The following CACNA1I variants were observed in gnomAD, a reference collection of about 807,000 sequenced individuals.
CACNA1I encodes the protein voltage-dependent T-type calcium channel subunit alpha-1I.
Under a neutral mutation model 201.6 loss-of-function variants are expected in CACNA1I, and 74 were observed. The ratio of observed to expected loss-of-function variants is 0.37; its 90% CI spans 0.30 to 0.45. CACNA1I has a LOEUF of 0.45. CACNA1I is among the 20% of genes least tolerant of loss of function. The probability of loss-of-function intolerance (pLI) is 1.00; values close to 1 mark genes in which losing one functional copy is unlikely to be tolerated. For missense variants in CACNA1I, 2,346 were observed against 3,138.1 expected (o/e 0.75, Z 6.03); for synonymous variants, 1,431 against 1,345.2 (o/e 1.06, Z -1.40).
chr22:39,633,434 G>T (rs963014643), intron 4 of CACNA1I, among the ~76,000 whole-genome samples: 3 of 152,216 alleles, frequency 2.0e-5, no homozygotes, highest in African/African-American at 7.2e-5. Flanking sequence ...GGCAGCCTAG[G>T]CTAGGTCAGA....
chr22:39,662,284 TG>T lies in CACNA1I; in HGVS notation c.3224del (p.Gly1075AlafsTer59). On this transcript the variant is annotated frameshift_variant, in exon 17 of 37. Coordinates refer to ENST00000402142, the MANE Select transcript of CACNA1I (RefSeq NM_021096.4). LOFTEE classifies it high-confidence loss of function. ...SVDLAELVPA[V>X]GAHPRAAWRA... ...GACCTGGCCGAGCTGGTGCCCGCGG[TG>T]GGCGCCCACCCCCGGGCCGCCTGGA... 6.6e-7 allele frequency: 1 copy of T among 1,514,006 alleles called. No individual in the cohort carries two copies. 93.8% of individuals were successfully genotyped at this position (1,514,006 alleles called of 1,614,324 possible). A position where few individuals can be genotyped will look rare whatever the true frequency, so the allele number is the denominator to read the frequency against.
In CACNA1I at chr22:39,663,726, T is replaced by C; in HGVS notation, c.3482T>C (p.Val1161Ala). 1.6e-6 allele frequency: 1 copy of C among 625,626 alleles called. No individual in the cohort carries two copies. Among genetic ancestry groups the C allele is most frequent in the Non-Finnish European group, 2.9e-6 (1 of 344,632 alleles). The allele number at this position is 625,626 out of a possible 1,614,324, so 38.8% of individuals were successfully genotyped here. A position where few individuals can be genotyped will look rare whatever the true frequency, so the allele number is the denominator to read the frequency against. ...CCGCCCACCCTGCCCAGGTTCCGGGTCCTGTGTCAGACCATTATTGCCCAC... is the reference window on the plus strand; with the variant it reads ...CCGCCCACCCTGCCCAGGTTCCGGGCCCTGTGTCAGACCATTATTGCCCAC... ...YLFSPENRFR[V>A]LCQTIIAHKL... The change falls in exon 19 of 37, where the codon GTC becomes GCC. Residue 1161 changes from valine (V) to alanine (A), a missense_variant. Coordinates refer to ENST00000402142, the MANE Select transcript of CACNA1I (RefSeq NM_021096.4).
Position 39,684,210 on chromosome 22 carries a change from G to A in CACNA1I, c.5831-92G>A. The stretch of plus-strand genomic sequence containing the variant: ...TTTATTAGGTGGCCCCTCACTGCTG[G>A]CCCAGTGAGATTGGTGCTCAATGCC... On this transcript the variant is annotated intron_variant, in intron 35 of 36. Coordinates refer to ENST00000402142, the MANE Select transcript of CACNA1I (RefSeq NM_021096.4). The surrounding 1 kb of genome is among the most constrained non-coding windows in gnomAD (Gnocchi z 4.6). The A allele has an allele frequency of 9.4e-7, 1 of 1,059,852 alleles. No homozygotes were observed. Among genetic ancestry groups the A allele is most frequent in the Non-Finnish European group, 1.4e-6 (1 of 706,242 alleles). The allele number at this position is 1,059,852 out of a possible 1,614,324, so 65.7% of individuals were successfully genotyped here. A position where few individuals can be genotyped will look rare whatever the true frequency, so the allele number is the denominator to read the frequency against.
chr22:39,685,730 G>A lies in CACNA1I; in HGVS notation c.6028-31G>A. ...GGTTGCTGGGGTGGGGGCCGACACAGGCGGCCTCCACGGCTCCCACCTCCC... is the reference window on the plus strand; with the variant it reads ...GGTTGCTGGGGTGGGGGCCGACACAAGCGGCCTCCACGGCTCCCACCTCCC... On this transcript the variant is annotated intron_variant, in intron 36 of 36. Transcript: ENST00000402142. This position sits in a 1 kb window ranked among gnomAD's most constrained non-coding sequence, Gnocchi z 5.0. The A allele has an allele frequency of 7.0e-7, 1 of 1,426,568 alleles. No homozygotes were observed. The highest frequency in any genetic ancestry group is 9.1e-7 in the Non-Finnish European group (1 of 1,099,482). 88.4% of individuals were successfully genotyped at this position (1,426,568 alleles called of 1,614,324 possible).
In CACNA1I at chr22:39,666,281, G is replaced by A. The variant is rs988810666; in HGVS notation, c.4104+275G>A. ...GTTCTTGGCTCCCACCCCCGACCCA[G>A]GGACCCCTGACAGGAGTTTTAGAAT... On this transcript the variant is annotated intron_variant, in intron 23 of 36. Coordinates refer to ENST00000402142, the MANE Select transcript of CACNA1I (RefSeq NM_021096.4). This position sits in a 1 kb window ranked among gnomAD's most constrained non-coding sequence, Gnocchi z 4.1. Among the ~76,000 whole-genome samples the A allele has an allele frequency of 6.6e-6, 1 of 151,788 alleles. No homozygotes were observed. The highest frequency in any genetic ancestry group is 6.6e-5 in the Admixed American group (1 of 15,240).
chr22:39,648,006 G>A lies in CACNA1I; in HGVS notation c.1567+80G>A. On this transcript the variant is annotated intron_variant, in intron 9 of 36. Transcript: ENST00000402142. This position sits in a 1 kb window ranked among gnomAD's most constrained non-coding sequence, Gnocchi z 5.4. Reference sequence around the variant, plus strand: ...CCAGTTGGTGCTGAGAAGGAAGTCGGCAGGCATGGGGACGGCGCTTGAGCA... The same window carrying A: ...CCAGTTGGTGCTGAGAAGGAAGTCGACAGGCATGGGGACGGCGCTTGAGCA... 1.6e-6 allele frequency: 2 copies of A among 1,274,568 alleles called. No homozygotes were observed. The highest frequency in any genetic ancestry group is 2.3e-6 in the Non-Finnish European group (2 of 886,590). The allele number at this position is 1,274,568 out of a possible 1,614,324, so 79.0% of individuals were successfully genotyped here.
chr22:39,619,068 C>A (rs1048538172), intron 3 of CACNA1I, among the ~76,000 whole-genome samples: 3 of 152,208 alleles, frequency 2.0e-5, no homozygotes, highest in South Asian at 2.1e-4. Flanking sequence ...AGCCCAACAT[C>A]TGTGCTCCCT....
Position 39,677,935 on chromosome 22 carries a change from G to A in CACNA1I, c.4934-52G>A. 2 of 1,529,788 alleles carry A rather than the reference G, an allele frequency of 1.3e-6. No homozygotes were observed. The highest frequency in any genetic ancestry group is 1.8e-6 in the Non-Finnish European group (2 of 1,137,410). The allele number at this position is 1,529,788 out of a possible 1,614,324, so 94.8% of individuals were successfully genotyped here. A position where few individuals can be genotyped will look rare whatever the true frequency, so the allele number is the denominator to read the frequency against. On this transcript the variant is annotated intron_variant, in intron 30 of 36. Transcript: ENST00000402142. The surrounding 1 kb of genome is among the most constrained non-coding windows in gnomAD (Gnocchi z 4.8). ...GGCGGGAGGCACCAGGTCAGGGTGA[G>A]CCCCGCAGGCACTCCGCCATCGGGC... is the stretch of plus-strand genomic sequence containing the variant.
chr22:39,576,286 G>A (rs1402315370), intron 1 of CACNA1I, among the ~76,000 whole-genome samples: 3 of 152,246 alleles, frequency 2.0e-5, no homozygotes, highest in Non-Finnish European at 2.9e-5. Context: ...ATTGCTGAAA[G>A]CATTTTGTCA....
Position 39,665,033 on chromosome 22 carries a change from C to T in CACNA1I, c.3851+110C>T. On this transcript the variant is annotated intron_variant, in intron 21 of 36. Transcript: ENST00000402142. The surrounding 1 kb of genome is among the most constrained non-coding windows in gnomAD (Gnocchi z 5.5). The stretch of plus-strand genomic sequence containing the variant: ...CTCCCCGCCCGCCCACTCGGTCCTC[C>T]AATAGTGAGTGCCAAACACCCTGAG... The T allele has an allele frequency of 9.9e-7, 1 of 1,009,674 alleles. No homozygotes were observed. Among genetic ancestry groups the T allele is most frequent in the Non-Finnish European group, 1.5e-6 (1 of 684,390 alleles). 62.5% of individuals were successfully genotyped at this position (1,009,674 alleles called of 1,614,324 possible).
At chr22:39,679,086 A>G in intron 31 of CACNA1I, 21 bp from the exon 32 acceptor site, 2 of 1,551,748 alleles carry the variant, frequency 1.3e-6, no homozygotes, top group Non-Finnish European at 1.7e-6. Flanking sequence ...CCTCATCCTC[A>G]CCGCCCTCCC....
intron 29 of CACNA1I, 104 bp downstream of exon 29, chr22:39,674,137 C>A (rs1001324673): frequency 9.6e-5 from 105 of 1,094,636 alleles, no homozygotes; most frequent in Non-Finnish European, 1.3e-4. Context: ...TCTGCCAGAG[C>A]CAGGGCAGAT....
chr22:39,671,168 G>C (rs1272220712), intron 26 of CACNA1I, among the ~76,000 whole-genome samples: 2 of 152,210 alleles, frequency 1.3e-5, no homozygotes, highest in Non-Finnish European at 2.9e-5. Flanking sequence ...AACGGTCAGA[G>C]GGAAGGTGGG....
At chr22:39,650,400 C>T (rs1934612751) in intron 10 of CACNA1I, among the ~76,000 whole-genome samples, 1 of 152,216 alleles carries the variant, frequency 6.6e-6, no homozygotes, top group Non-Finnish European at 1.5e-5. Context: ...GATCCTCCCT[C>T]TTCAGCCTCC....
At position 39,665,032 on chromosome 22, in the gene CACNA1I, C is replaced by G; in HGVS notation, c.3851+109C>G. 1 of 1,023,080 alleles carries G rather than the reference C, an allele frequency of 9.8e-7. No homozygotes were observed. Among genetic ancestry groups the G allele is most frequent in the African/African-American group, 1.6e-5 (1 of 63,518 alleles). 63.4% of individuals were successfully genotyped at this position (1,023,080 alleles called of 1,614,324 possible). On this transcript the variant is annotated intron_variant, in intron 21 of 36. Transcript: ENST00000402142. This position sits in a 1 kb window ranked among gnomAD's most constrained non-coding sequence, Gnocchi z 5.5. ...CCTCCCCGCCCGCCCACTCGGTCCT[C>G]CAATAGTGAGTGCCAAACACCCTGA... is the stretch of plus-strand genomic sequence containing the variant.
intron 4 of CACNA1I, among the ~76,000 whole-genome samples, chr22:39,622,279 T>G (rs1336356086): frequency 1.3e-5 from 2 of 149,804 alleles, no homozygotes; most frequent in African/African-American, 2.5e-5. Flanking sequence ...GTGCCGGGCA[T>G]GAGGAGGCAG....
At chr22:39,642,764 T>C in intron 6 of CACNA1I, 33 bp from the exon 7 acceptor site, 1 of 1,519,496 alleles carries the variant, frequency 6.6e-7, no homozygotes, top group Non-Finnish European at 9.0e-7. Context: ...GATGGGCCAG[T>C]CCTCTCGGCT....
chr22:39,572,845 C>T (rs950274203), intron 1 of CACNA1I, among the ~76,000 whole-genome samples: 1 of 152,086 alleles, frequency 6.6e-6, no homozygotes, highest in African/African-American at 2.4e-5. Context: ...CAACCTCCGC[C>T]TCCCAGGTTC....
intron 5 of CACNA1I, among the ~76,000 whole-genome samples, chr22:39,639,560 T>C (rs1186444747): frequency 6.6e-6 from 1 of 152,234 alleles, no homozygotes; most frequent in Non-Finnish European, 1.5e-5. Context: ...TCAAATATTA[T>C]TTTTAGTGTG....
Sources: allele counts gnomAD v4.1 joint callset (sites outside exome capture counted in the v4.1 genomes callset), GRCh38; gene constraint gnomAD v4.1.1; non-coding constraint Gnocchi (gnomAD v3.1); transcripts MANE v1.5; gene names NCBI Gene and HGNC (gene_info 2026-07-23, HGNC 2026-07-21).